Variants in GLB1 observed in about 807,000 individuals in gnomAD.
GLB1 encodes the protein beta-galactosidase.
In GLB1, 56 loss-of-function variants were observed where a neutral mutation model predicts 74.0. That is an observed-to-expected ratio of 0.76 (90% confidence interval 0.61 to 0.94). The LOEUF (loss-of-function observed/expected upper bound fraction) is 0.94. GLB1 is among the 40% of genes least tolerant of loss of function. The pLI, the probability that GLB1 is intolerant of heterozygous loss-of-function variation, is 0.00. For synonymous variants in GLB1, 323 were observed against 323.6 expected (o/e 1.00, Z 0.02); for missense variants, 787 against 845.5 (o/e 0.93, Z 0.86).
intron 4 of GLB1, among the ~76,000 whole-genome samples, chr3:33,066,811 T>G (rs1162872261): frequency 1.3e-5 from 2 of 152,100 alleles, no homozygotes; most frequent in South Asian, 4.1e-4. Flanking sequence ...GGCATAAAGA[T>G]TAAATGAGTT....
At chr3:33,065,665 TA>T in intron 4 of GLB1, 108 bp from the exon 5 acceptor site, 1 of 1,359,278 alleles carries the variant, frequency 7.4e-7, no homozygotes, top group South Asian at 1.3e-5. Flanking sequence ...GTAAACTTTT[TA>T]AAAACATTCT....
downstream of GLB1, among the ~76,000 whole-genome samples, chr3:32,993,061 C>G (rs948888046): frequency 4.6e-5 from 7 of 152,166 alleles, no homozygotes; most frequent in Non-Finnish European, 7.3e-5. Context: ...ATCCCTCAGA[C>G]TGACTAAAAA....
At chr3:33,020,369 G>T (rs1209591319) in intron 12 of GLB1, among the ~76,000 whole-genome samples, 1 of 152,162 alleles carries the variant, frequency 6.6e-6, no homozygotes, top group African/African-American at 2.4e-5. Flanking sequence ...CAGAAAGGAG[G>T]ACGTGGATAA....
chr3:33,000,355 T>G (rs545191948), intron 15 of GLB1, among the ~76,000 whole-genome samples: 2 of 152,256 alleles, frequency 1.3e-5, no homozygotes, highest in Admixed American at 1.3e-4. Flanking sequence ...TAAAAAAGTG[T>G]GAAGGAGGAA....
At chr3:32,974,232 G>GAGTC in the GLB1 span, among the ~76,000 whole-genome samples, 4 of 152,130 alleles carry the variant, frequency 2.6e-5, no homozygotes, top group African/African-American at 9.7e-5. Context: ...TAACTGGAAG[G>GAGTC]AGTCTTAGAC....
intron 15 of GLB1, among the ~76,000 whole-genome samples, chr3:33,002,927 A>T (rs1372729621): frequency 1.3e-5 from 2 of 152,194 alleles, no homozygotes; most frequent in Admixed American, 6.5e-5. Flanking sequence ...CTTACCTGGG[A>T]GAAAGAGAAG....
intron 1 of GLB1, among the ~76,000 whole-genome samples, chr3:33,077,976 A>G (rs545401501): frequency 8.5e-5 from 13 of 152,258 alleles, no homozygotes; most frequent in African/African-American, 3.1e-4. Flanking sequence ...ATGTAGGGCA[A>G]TTTGTCTTTA....
intron 1 of GLB1, chr3:33,076,955 G>A (rs1480979008): frequency 6.4e-6 from 5 of 786,074 alleles, no homozygotes; most frequent in Admixed American, 3.7e-5. Context: ...CGGACACAAT[G>A]GCTCATGCCT....
chr3:33,041,799 A>C lies in GLB1; in HGVS notation c.1068+4321T>G, dbSNP rs138812830. On this transcript the variant is annotated intron_variant, in intron 10 of 15. Transcript: ENST00000307363. ...CTAAAGAATATACTTCAGGCAGAAG[A>C]AGCAATAGAAGATAAAGAAAAGTGT... Among the ~76,000 whole-genome samples, 135 of 152,304 alleles carry C rather than the reference A, an allele frequency of 8.9e-4. 1 individual carries two copies. The highest frequency in any genetic ancestry group is 3.0e-3 in the African/African-American group (124 of 41,564).
intron 10 of GLB1, chr3:33,034,555 T>A: frequency 2.8e-6 from 2 of 724,428 alleles, no homozygotes. Context: ...CCTGGGATGG[T>A]CGTGTGTTCA....
At chr3:33,031,084 C>T (rs1697983790) in intron 10 of GLB1, among the ~76,000 whole-genome samples, 1 of 152,206 alleles carries the variant, frequency 6.6e-6, no homozygotes, top group Non-Finnish European at 1.5e-5. Context: ...GCCTTCACCA[C>T]TGAGCACAGG....
At chr3:33,023,625 C>T (rs979928469) in intron 11 of GLB1, among the ~76,000 whole-genome samples, 3 of 151,456 alleles carry the variant, frequency 2.0e-5, no homozygotes, top group Non-Finnish European at 4.4e-5. Context: ...AACCTGAAGA[C>T]ACAGATGGTC....
the GLB1 span, among the ~76,000 whole-genome samples, chr3:32,967,512 G>A: frequency 6.6e-6 from 1 of 152,076 alleles, no homozygotes; most frequent in Non-Finnish European, 1.5e-5. Flanking sequence ...GGTTCAAGAT[G>A]GTATGTGAAT....
At chr3:32,962,934 T>A in the GLB1 span, among the ~76,000 whole-genome samples, 1 of 152,018 alleles carries the variant, frequency 6.6e-6, no homozygotes, top group Non-Finnish European at 1.5e-5. Context: ...ATAAATTACA[T>A]ACACCGATTT....
chr3:33,067,412 C>A (rs1699728276), intron 4 of GLB1, among the ~76,000 whole-genome samples: 1 of 127,796 alleles, frequency 7.8e-6, no homozygotes, highest in Non-Finnish European at 1.5e-5. Flanking sequence ...AATCCTCCCA[C>A]CTCAGCCTCC....
the GLB1 span, among the ~76,000 whole-genome samples, chr3:32,979,054 G>A: frequency 2.7e-5 from 4 of 149,228 alleles, no homozygotes; most frequent in Non-Finnish European, 4.4e-5. Context: ...TCAATTCACC[G>A]CAACCACCGC....
chr3:33,056,227 CAAAAAAAAAAAAAAAAA>C (rs10559091), intron 6 of GLB1, among the ~76,000 whole-genome samples: 1 of 48,594 alleles, frequency 2.1e-5, no homozygotes, highest in Non-Finnish European at 3.7e-5. Flanking sequence ...AACTCCACCT[CAAAAAAAAAAAAAAAAA>C]AAAAAAAAAA....
At chr3:33,065,430 C>G (rs1270191437) in intron 5 of GLB1, 33 bp downstream of exon 5, 2 of 1,554,814 alleles carry the variant, frequency 1.3e-6, no homozygotes, top group Admixed American at 1.9e-5. Flanking sequence ...GGAACCCCTC[C>G]CCCAATCCAT....
intron 1 of GLB1, chr3:33,092,221 TG>T: frequency 1.0e-6 from 1 of 985,704 alleles, no homozygotes; most frequent in Non-Finnish European, 1.2e-6. Flanking sequence ...CCTCAAGGCC[TG>T]GAACAGGAGG....
Sources: gnomAD v4.1 joint callset for allele counts (sites outside exome capture counted in the v4.1 genomes callset) on GRCh38, gnomAD v4.1.1 for gene constraint, MANE v1.5 for transcripts, NCBI Gene and HGNC (gene_info 2026-07-23, HGNC 2026-07-21) for gene names.